Variants in BCAR3 observed in about 807,000 individuals in gnomAD.
BCAR3 encodes the protein breast cancer anti-estrogen resistance protein 3.
Under a neutral mutation model 80.1 loss-of-function variants are expected in BCAR3, and 37 were observed. The ratio of observed to expected loss-of-function variants is 0.46; its 90% CI spans 0.36 to 0.61. The LOEUF (loss-of-function observed/expected upper bound fraction) is 0.61, where lower values mean the gene tolerates loss of function less well. Among genes scored for constraint, BCAR3 ranks in the 20% least tolerant of loss-of-function variants. The pLI is 0.00. For synonymous variants in BCAR3, 389 were observed against 418.9 expected, an observed-to-expected ratio of 0.93 and a Z score of 0.87; for missense variants, 978 against 1,068.2, an observed-to-expected ratio of 0.92 and a Z score of 1.18.
intron 2 of BCAR3, among the ~76,000 whole-genome samples, chr1:93,658,792 T>C (rs888533366): frequency 6.6e-6 from 1 of 152,228 alleles, no homozygotes; most frequent in Non-Finnish European, 1.5e-5. Context: ...TGTTTATTCA[T>C]CCTGAATGAA....
At chr1:93,578,341 T>C (rs528880654) in intron 7 of BCAR3, among the ~76,000 whole-genome samples, 24 of 152,196 alleles carry the variant, frequency 1.6e-4, no homozygotes, top group Admixed American at 1.6e-3. Context: ...CCAACTCAAC[T>C]GTAAAGTGCC....
At chr1:93,669,871 T>G (rs1334781602) in intron 2 of BCAR3, among the ~76,000 whole-genome samples, 1 of 152,160 alleles carries the variant, frequency 6.6e-6, no homozygotes, top group Non-Finnish European at 1.5e-5. Flanking sequence ...CTCACTGATA[T>G]GTAGGAGCTA....
intron 2 of BCAR3, among the ~76,000 whole-genome samples, chr1:93,800,119 T>A (rs1653423746): frequency 6.6e-6 from 1 of 152,198 alleles, no homozygotes; most frequent in Admixed American, 6.5e-5. Context: ...AATATTTGAT[T>A]ATTGATTTTA....
chr1:93,772,680 T>C (rs2818165), intron 2 of BCAR3, among the ~76,000 whole-genome samples: 91,799 of 151,972 alleles, frequency 0.6, 29,011 homozygotes, highest in East Asian at 0.79. Flanking sequence ...TCTTGGCTCA[T>C]TGCAACCTGC....
chr1:93,630,363 C>T (rs1278841193), intron 3 of BCAR3, among the ~76,000 whole-genome samples: 1 of 152,052 alleles, frequency 6.6e-6, no homozygotes, highest in East Asian at 1.9e-4. Flanking sequence ...GTGGCTCAAA[C>T]CTGTAATCTC....
upstream of BCAR3, chr1:93,847,347 G>A (rs2100864329): frequency 6.4e-6 from 1 of 156,874 alleles, no homozygotes; most frequent in South Asian, 1.8e-4. Flanking sequence ...GACCAGGTGG[G>A]ACCGTCGGAC....
chr1:93,842,840 G>C (rs1655006708), intron 2 of BCAR3, among the ~76,000 whole-genome samples: 2 of 152,018 alleles, frequency 1.3e-5, no homozygotes, highest in Non-Finnish European at 2.9e-5. Context: ...TTTTTGTCTT[G>C]ACGTTATGTT....
At chr1:93,737,496 G>A (rs879447495) in intron 2 of BCAR3, among the ~76,000 whole-genome samples, 3 of 152,232 alleles carry the variant, frequency 2.0e-5, no homozygotes, top group East Asian at 1.9e-4. Flanking sequence ...AAGGAATGTC[G>A]GGGATGTTGG....
At chr1:93,585,971 T>A (rs1435730945) in intron 5 of BCAR3, among the ~76,000 whole-genome samples, 1 of 152,218 alleles carries the variant, frequency 6.6e-6, no homozygotes, top group Non-Finnish European at 1.5e-5. Context: ...ACATGAGATG[T>A]TTTGATACAG....
chr1:93,721,000 C>T (rs1008426139), intron 2 of BCAR3, among the ~76,000 whole-genome samples: 6 of 152,300 alleles, frequency 3.9e-5, no homozygotes, highest in South Asian at 2.1e-4. Context: ...GAGCCAGCTC[C>T]GCAGGTGCTT....
chr1:93,621,205 A>G (rs1675297067), intron 3 of BCAR3, among the ~76,000 whole-genome samples: 1 of 152,220 alleles, frequency 6.6e-6, no homozygotes, highest in African/African-American at 2.4e-5. Context: ...CAGTGGGAAA[A>G]TATCTCTTTT....
intron 2 of BCAR3, among the ~76,000 whole-genome samples, chr1:93,820,809 T>C (rs963517724): frequency 2.6e-5 from 4 of 152,100 alleles, no homozygotes; most frequent in African/African-American, 9.7e-5. Flanking sequence ...GTTCCAACCC[T>C]CTAATCGTAA....
At chr1:93,571,644 T>A in intron 9 of BCAR3, 26 bp downstream of exon 9, 2 of 1,612,502 alleles carry the variant, frequency 1.2e-6, no homozygotes, top group Non-Finnish European at 1.7e-6. Context: ...GAACATTAAG[T>A]ACACATAAAG....
chr1:93,623,398 G>A (rs907244426), intron 3 of BCAR3, among the ~76,000 whole-genome samples: 4 of 152,168 alleles, frequency 2.6e-5, no homozygotes, highest in Admixed American at 6.5e-5. Flanking sequence ...GAGCCAATCA[G>A]AATACTGAAC....
chr1:93,626,581 G>T (rs1570983262), intron 3 of BCAR3, among the ~76,000 whole-genome samples: 1 of 152,114 alleles, frequency 6.6e-6, no homozygotes, highest in Non-Finnish European at 1.5e-5. Context: ...AGCTATGATG[G>T]GTTAATTCCT....
chr1:93,571,916 G>T (rs942201746), intron 8 of BCAR3, 75 bp from the exon 9 acceptor site: 3 of 1,501,572 alleles, frequency 2.0e-6, no homozygotes, highest in African/African-American at 2.8e-5. Flanking sequence ...TCAGCCAAGA[G>T]CAGGGCTGTT....
At chr1:93,829,844 G>A (rs1230876613) in intron 2 of BCAR3, among the ~76,000 whole-genome samples, 3 of 152,172 alleles carry the variant, frequency 2.0e-5, no homozygotes, top group Non-Finnish European at 4.4e-5. Flanking sequence ...ATGTTCAACT[G>A]TAATCCCCAG....
chr1:93,584,913 GGCC>G lies in BCAR3; in HGVS notation c.930-795_930-793del. 3 of 919,942 alleles carry G rather than the reference GGCC, an allele frequency of 3.3e-6. No individual in the cohort carries two copies. The East Asian group carries it at 3.5e-4, about 109-fold the overall frequency. The allele number at this position is 919,942 out of a possible 1,614,324, so 57.0% of individuals were successfully genotyped here. On this transcript the variant is annotated intron_variant, in intron 5 of 11. Transcript: ENST00000260502. ...AGCCAAGTTGTTATGAACTTTAATTGGCCTTCCCATAAGCATAAAACATTGTTA... is the reference window on the plus strand; with the variant it reads ...AGCCAAGTTGTTATGAACTTTAATTGTTCCCATAAGCATAAAACATTGTTA...
chr1:93,835,855 C>T (rs1654743589), intron 2 of BCAR3, among the ~76,000 whole-genome samples: 1 of 152,204 alleles, frequency 6.6e-6, no homozygotes, highest in Admixed American at 6.5e-5. Context: ...GCCTTTCCCA[C>T]AGGGTCTGAG....
Sources: gnomAD v4.1 joint callset for allele counts (sites outside exome capture counted in the v4.1 genomes callset) on GRCh38, gnomAD v4.1.1 for gene constraint, MANE v1.5 for transcripts, NCBI Gene and HGNC (gene_info 2026-07-23, HGNC 2026-07-21) for gene names.